NAV3: variants seen among roughly 807,000 people sequenced by gnomAD.
NAV3 encodes pore membrane and/or filament interacting like protein 1.
Under a neutral mutation model 244.7 loss-of-function variants are expected in NAV3, and 87 were observed. That is an observed-to-expected ratio of 0.36 (90% CI 0.30 to 0.42). The LOEUF is 0.42. NAV3 is among the 20% of genes least tolerant of loss of function. NAV3 has a pLI of 1.00. For missense variants in NAV3, 2,663 were observed against 2,893.3 expected, an observed-to-expected ratio of 0.92 and a Z score of 1.83; for synonymous variants, 1,126 against 1,042.2, an observed-to-expected ratio of 1.08 and a Z score of -1.55.
chr12:77,885,388 G>A (rs2136666782), intron 1 of NAV3, among the ~76,000 whole-genome samples: 1 of 152,096 alleles, frequency 6.6e-6, no homozygotes, highest in East Asian at 1.9e-4. Flanking sequence ...TTGTATATAT[G>A]TCTCTTATTT....
intron 1 of NAV3, among the ~76,000 whole-genome samples, chr12:77,928,706 C>G (rs1347988177): frequency 1.3e-5 from 2 of 152,138 alleles, no homozygotes; most frequent in African/African-American, 4.8e-5. Flanking sequence ...AAATCCTACC[C>G]TTTCTTTTCC....
chr12:77,911,771 C>A (rs911712301), intron 1 of NAV3, among the ~76,000 whole-genome samples: 8 of 151,990 alleles, frequency 5.3e-5, no homozygotes, highest in Admixed American at 3.3e-4. Flanking sequence ...TTATTTTAGT[C>A]TAAAATTAAT....
chr12:77,738,069 TACTTTA>T (rs1383526741), intron 2 of NAV3, among the ~76,000 whole-genome samples: 2 of 152,200 alleles, frequency 1.3e-5, no homozygotes, highest in African/African-American at 4.8e-5. Context: ...TCTAGATGTC[TACTTTA>T]ACTTTAGCTT....
chr12:77,697,516 C>T (rs1875362655), intron 2 of NAV3, among the ~76,000 whole-genome samples: 2 of 152,050 alleles, frequency 1.3e-5, no homozygotes, highest in Non-Finnish European at 2.9e-5. Context: ...AGCTTTTTTG[C>T]CCCAATCTTT....
At chr12:77,854,260 G>C (rs1878006151) in intron 1 of NAV3, among the ~76,000 whole-genome samples, 1 of 152,130 alleles carries the variant, frequency 6.6e-6, no homozygotes, top group Non-Finnish European at 1.5e-5. Context: ...TCTAGAACTG[G>C]AAGGCAGCCT....
chr12:78,031,747 A>C (rs1429904126), intron 9 of NAV3, among the ~76,000 whole-genome samples: 1 of 69,996 alleles, frequency 1.4e-5, no homozygotes, highest in Non-Finnish European at 2.6e-5. Flanking sequence ...GGGTGGGGGG[A>C]GGGGGGAGGG....
At chr12:77,874,423 C>G (rs1881545730) in intron 1 of NAV3, among the ~76,000 whole-genome samples, 1 of 151,962 alleles carries the variant, frequency 6.6e-6, no homozygotes, top group Admixed American at 6.6e-5. Flanking sequence ...GTTGCCCAGG[C>G]TGGCTTGAAC....
At chr12:77,628,731 A>C (rs991225755) in intron 2 of NAV3, among the ~76,000 whole-genome samples, 1 of 151,856 alleles carries the variant, frequency 6.6e-6, no homozygotes, top group African/African-American at 2.4e-5. Context: ...TAAAAAAAAA[A>C]ATACAAAAAA....
intron 2 of NAV3, among the ~76,000 whole-genome samples, chr12:77,700,708 A>G (rs1875523190): frequency 6.6e-6 from 1 of 152,008 alleles, no homozygotes; most frequent in South Asian, 2.1e-4. Context: ...GTTCTTTCTC[A>G]GATTGAGGAA....
At chr12:77,589,746 T>C (rs1770595455) in intron 2 of NAV3, among the ~76,000 whole-genome samples, 1 of 152,214 alleles carries the variant, frequency 6.6e-6, no homozygotes, top group South Asian at 2.1e-4. Context: ...ATGAGATCTG[T>C]GTGGGGACAC....
At chr12:77,841,960 C>T (rs529487722) in intron 1 of NAV3, among the ~76,000 whole-genome samples, 5 of 152,128 alleles carry the variant, frequency 3.3e-5, no homozygotes, top group African/African-American at 1.2e-4. Flanking sequence ...TAGGAAATAT[C>T]ATGTATCTGT....
At chr12:77,711,343 T>A (rs1346826785) in intron 2 of NAV3, among the ~76,000 whole-genome samples, 2 of 152,242 alleles carry the variant, frequency 1.3e-5, no homozygotes, top group Admixed American at 1.3e-4. Context: ...TTTTGCTGTC[T>A]GTGCATCTCT....
chr12:78,122,038 C>A lies in NAV3; in HGVS notation c.3848C>A (p.Ala1283Glu), dbSNP rs749438392. ...ATGCCCAGCCCTAGTACCACATTAGCGCGGCAAGGCAGTCTGGAGTCACCG... is the reference window on the plus strand; with the variant it reads ...ATGCCCAGCCCTAGTACCACATTAGAGCGGCAAGGCAGTCTGGAGTCACCG... ...SVMPSPSTTL[A>E]RQGSLESPSS... Residue 1283 changes from alanine to glutamate, a missense_variant, in exon 16 of 40, where the codon GCG becomes GAG. Around this residue, in one of 6 missense-constraint regions of NAV3, gnomAD observed 354 missense variants for 413.0 expected, o/e 0.86. Coordinates refer to ENST00000397909, the MANE Select transcript of NAV3 (RefSeq NM_001024383.2). The A allele has an allele frequency of 2.5e-6, 4 of 1,614,178 alleles. No homozygotes were observed. Among genetic ancestry groups the A allele is most frequent in the Non-Finnish European group, 2.5e-6 (3 of 1,180,032 alleles).
intron 3 of NAV3, among the ~76,000 whole-genome samples, chr12:77,960,900 C>A (rs1891855495): frequency 6.9e-6 from 1 of 145,844 alleles, no homozygotes; most frequent in African/African-American, 2.5e-5. Context: ...ATGAACATAT[C>A]ATATATTCAA....
At chr12:78,210,248 C>A in intron 39 of NAV3, 150 bp from the exon 40 acceptor site, 2 of 1,211,810 alleles carry the variant, frequency 1.7e-6, no homozygotes, top group South Asian at 1.5e-5. Context: ...GCATAGGAGC[C>A]AGGGGCAACG....
chr12:77,793,243 A>C (rs1369431395), intron 2 of NAV3, among the ~76,000 whole-genome samples: 2 of 152,220 alleles, frequency 1.3e-5, no homozygotes, highest in Non-Finnish European at 2.9e-5. Flanking sequence ...GGAAGATTTC[A>C]TTGAAAAGGT....
At chr12:78,010,049 T>C (rs1874994595) in intron 8 of NAV3, among the ~76,000 whole-genome samples, 4 of 152,160 alleles carry the variant, frequency 2.6e-5, no homozygotes, top group Non-Finnish European at 5.9e-5. Flanking sequence ...ACCCTGTTTC[T>C]ACAATAAATA....
chr12:77,686,761 C>CA (rs1244213743), intron 2 of NAV3, among the ~76,000 whole-genome samples: 1 of 152,122 alleles, frequency 6.6e-6, no homozygotes, highest in Non-Finnish European at 1.5e-5. Flanking sequence ...TCTGACTTTA[C>CA]AGTACGAGGT....
intron 12 of NAV3, among the ~76,000 whole-genome samples, chr12:78,114,906 C>A (rs1955293283): frequency 6.6e-6 from 1 of 152,084 alleles, no homozygotes; most frequent in African/African-American, 2.4e-5. Flanking sequence ...ATGCTCTCAG[C>A]AGCTAAAACT....
Sources: allele counts gnomAD v4.1 joint callset (sites outside exome capture counted in the v4.1 genomes callset), GRCh38; gene constraint gnomAD v4.1.1; regional missense constraint gnomAD v4.1.1; transcripts MANE v1.5; gene names NCBI Gene and HGNC (gene_info 2026-07-23, HGNC 2026-07-21).